The following PAH variants were observed in gnomAD, a reference collection of about 807,000 sequenced individuals.
The protein encoded by PAH is phenylalanine hydroxylase.
In PAH, 64 loss-of-function variants were observed where a neutral mutation model predicts 62.0. That is an observed-to-expected ratio of 1.03 (90% confidence interval 0.84 to 1.27). The LOEUF (loss-of-function observed/expected upper bound fraction) is 1.27, where lower values mean the gene tolerates loss of function less well. Ranked by LOEUF, PAH falls within the 50% of genes most tolerant of loss-of-function variation. The pLI, the probability that PAH is intolerant of heterozygous loss-of-function variation, is 0.00. For synonymous variants in PAH, 195 were observed against 196.2 expected (o/e 0.99, Z 0.05); for missense variants, 579 against 542.8 (o/e 1.07, Z -0.66).
At chr12:102,857,337 C>A (rs964099564) in intron 5 of PAH, among the ~76,000 whole-genome samples, 1 of 152,220 alleles carries the variant, frequency 6.6e-6, no homozygotes, top group African/African-American at 2.4e-5. Flanking sequence ...AAGACCAAAT[C>A]TACATCTGAT....
intron 3 of PAH, among the ~76,000 whole-genome samples, chr12:102,882,594 G>A (rs1372394658): frequency 7.2e-6 from 1 of 139,060 alleles, no homozygotes; most frequent in Non-Finnish European, 1.6e-5. Context: ...ACACATACAC[G>A]TATACACACA....
chr12:102,950,621 CG>C (rs1359429709), exon 1 of PAH: 2 of 152,300 alleles, frequency 1.3e-5, no homozygotes, highest in African/African-American at 4.8e-5. Context: ...CCTTGCTTTC[CG>C]GAGGCGGCAG....
At position 102,839,007 on chromosome 12, in the gene PAH, C is replaced by A. The variant is rs1874474986; in HGVS notation, c.*168G>T. ...TATGCTCTTGAGTATGTACTCATAT[C>A]CTGTCATTTCAGATTATTTTGACTT... On this transcript the variant is annotated 3_prime_UTR_variant, in exon 13 of 13. Transcript: ENST00000553106. The A allele has an allele frequency of 3.0e-6, 2 of 665,804 alleles. No individual in the cohort carries two copies. Among genetic ancestry groups the A allele is most frequent in the Admixed American group, 2.3e-5 (1 of 44,152 alleles). The allele number at this position is 665,804 out of a possible 1,614,324, so 41.2% of individuals were successfully genotyped here. A position where few individuals can be genotyped will look rare whatever the true frequency, so the allele number is the denominator to read the frequency against.
In PAH at chr12:102,956,298, T is replaced by C. The variant is rs111605790; in HGVS notation, c.-96+1897A>G. 6.5e-3 allele frequency among the ~76,000 whole-genome samples: 983 copies of C among 152,336 alleles called. 10 individuals carry two copies. The highest frequency in any genetic ancestry group is 0.022 in the African/African-American group (932 of 41,584). ...CCTTAAAGAGATGGGGCCTATTGCT[T>C]GGTCTGCTTTCTCCGCAGCGCCGCG... On this transcript the variant is annotated intron_variant, in intron 1 of 4. Coordinates refer to the PAH transcript ENST00000551337.
intron 2 of PAH, among the ~76,000 whole-genome samples, chr12:102,900,685 G>A (rs540995335): frequency 6.6e-6 from 1 of 152,216 alleles, no homozygotes; most frequent in East Asian, 1.9e-4. Context: ...TAATTTACTA[G>A]TATGGATCCT....
intron 5 of PAH, among the ~76,000 whole-genome samples, chr12:102,860,503 C>CT (rs1875667408): frequency 1.2e-5 from 1 of 84,722 alleles, no homozygotes. Context: ...TCATATGGAA[C>CT]CAAAAATAGC....
chr12:102,895,930 T>C (rs1352673994), intron 2 of PAH, among the ~76,000 whole-genome samples: 4 of 149,854 alleles, frequency 2.7e-5, no homozygotes. Flanking sequence ...ATTCAATAAA[T>C]ATATACATTT....
chr12:102,935,276 G>T (rs548688959), intron 1 of PAH, among the ~76,000 whole-genome samples: 25 of 152,048 alleles, frequency 1.6e-4, no homozygotes, highest in African/African-American at 5.8e-4. Flanking sequence ...TCTTTTAAAC[G>T]TGATATTGAA....
chr12:102,894,967 C>T (rs764401194), intron 2 of PAH, 49 bp from the exon 3 acceptor site: 2 of 1,396,226 alleles, frequency 1.4e-6, no homozygotes, highest in East Asian at 4.6e-5. Context: ...GGAACTAACG[C>T]AGGCCAAAGA....
chr12:102,937,029 A>T (rs1879124200), intron 1 of PAH, among the ~76,000 whole-genome samples: 1 of 152,178 alleles, frequency 6.6e-6, no homozygotes, highest in South Asian at 2.1e-4. Context: ...TGATTTTATA[A>T]GGGGCTTTTC....
At chr12:102,854,691 C>T (rs1036466274) in intron 6 of PAH, 1 of 246,240 alleles carries the variant, frequency 4.1e-6, no homozygotes, top group African/African-American at 2.3e-5. Context: ...GGATTGAAGG[C>T]AGGATTCATA....
chr12:102,917,158 G>C lies in PAH; in HGVS notation c.-28C>G, dbSNP rs771176183. ...TGGCTCCCCGGGAGTGAGGTCTCTGGCTTTTTAGGGCCTCAGGTACAGGCA... is the reference window on the plus strand; with the variant it reads ...TGGCTCCCCGGGAGTGAGGTCTCTGCCTTTTTAGGGCCTCAGGTACAGGCA... On this transcript the variant is annotated 5_prime_UTR_variant, in exon 1 of 13. Transcript: ENST00000553106. 3 of 1,610,164 alleles carry C rather than the reference G, an allele frequency of 1.9e-6. No individual in the cohort carries two copies. In the South Asian group the frequency reaches 3.3e-5, roughly 18 times the overall value.
At chr12:102,925,242 C>G (rs1878655110) in intron 1 of PAH, among the ~76,000 whole-genome samples, 1 of 152,072 alleles carries the variant, frequency 6.6e-6, no homozygotes, top group South Asian at 2.1e-4. Context: ...CTCCTTCTTG[C>G]AGGATGGAAT....
At chr12:102,854,456 T>C (rs1875316646) in intron 6 of PAH, among the ~76,000 whole-genome samples, 2 of 152,262 alleles carry the variant, frequency 1.3e-5, no homozygotes, top group South Asian at 2.1e-4. Context: ...CTGGATATAC[T>C]GTACAGAGAG....
chr12:102,938,855 G>C (rs912066972), intron 1 of PAH, among the ~76,000 whole-genome samples: 17 of 152,166 alleles, frequency 1.1e-4, no homozygotes, highest in African/African-American at 4.1e-4. Context: ...GCACTCAGCA[G>C]GGCCTCCCAA....
At chr12:102,918,454 T>TAAAA (rs139334696), upstream of PAH, among the ~76,000 whole-genome samples, 56,147 of 151,290 alleles carry the variant, frequency 0.37, 11,145 homozygotes, top group African/African-American at 0.49. Context: ...TGAAAATAAA[T>TAAAA]AAACAAATAA....
chr12:102,880,997 A>G (rs187667427), intron 3 of PAH, among the ~76,000 whole-genome samples: 25 of 149,886 alleles, frequency 1.7e-4, no homozygotes, highest in Non-Finnish European at 2.8e-4. Flanking sequence ...TATATTGCAT[A>G]TATTTTATTA....
At chr12:102,954,626 A>G (rs1879860643), upstream of PAH, among the ~76,000 whole-genome samples, 1 of 152,208 alleles carries the variant, frequency 6.6e-6, no homozygotes, top group East Asian at 1.9e-4. Context: ...TTTATCTGGA[A>G]TTCCATGGGC....
rs141280404 is a variant in PAH, at chr12:102,942,762, C to T, written c.-96+7827G>A. On this transcript the variant is annotated intron_variant, in intron 1 of 3. Transcript: ENST00000546844. ...GTTAGAGAATTCAGAAATAAAGTTGCACATCTATAATTACCTGATTTTCAA... is the reference window on the plus strand; with the variant it reads ...GTTAGAGAATTCAGAAATAAAGTTGTACATCTATAATTACCTGATTTTCAA... Among the ~76,000 whole-genome samples, 676 of 152,168 alleles carry T rather than the reference C, an allele frequency of 4.4e-3. 3 individuals carry two copies. Among genetic ancestry groups the T allele is most frequent in the Admixed American group, 7.6e-3 (116 of 15,290 alleles).
Sources: allele counts gnomAD v4.1 joint callset (sites outside exome capture counted in the v4.1 genomes callset), GRCh38; gene constraint gnomAD v4.1.1; transcripts MANE v1.5; gene names NCBI Gene and HGNC (gene_info 2026-07-23, HGNC 2026-07-21).